PTK2: variants seen among roughly 807,000 people sequenced by gnomAD.
PTK2 encodes focal adhesion kinase 1.
PTK2 carries 45 observed loss-of-function variants against 150.1 expected under a neutral mutation model. That is an observed-to-expected ratio of 0.30 (90% CI 0.24 to 0.38). The LOEUF is 0.38. Ranked by LOEUF, PTK2 falls within the 10% of genes least tolerant of loss-of-function variation. The pLI is 1.00. For synonymous variants in PTK2, 432 were observed against 449.2 expected (o/e 0.96, Z 0.48); for missense variants, 919 against 1,307.3 (o/e 0.70, Z 4.58).
chr8:140,871,253 T>C (rs2100142350), intron 4 of PTK2, among the ~76,000 whole-genome samples: 1 of 152,182 alleles, frequency 6.6e-6, no homozygotes, highest in Admixed American at 6.5e-5. Flanking sequence ...TAAAAAAATC[T>C]GATGTTAAAA....
chr8:140,972,588 A>T (rs757140835), intron 1 of PTK2, among the ~76,000 whole-genome samples: 3 of 152,144 alleles, frequency 2.0e-5, no homozygotes, highest in Non-Finnish European at 2.9e-5. Context: ...TTATATTTTG[A>T]ATTCAGTCGA....
At chr8:140,737,465 A>G (rs2100053248) in intron 21 of PTK2, among the ~76,000 whole-genome samples, 1 of 152,206 alleles carries the variant, frequency 6.6e-6, no homozygotes, top group Non-Finnish European at 1.5e-5. Context: ...ATTTTACCAC[A>G]TTTGACAAAA....
At chr8:140,877,716 T>C (rs968515243) in intron 4 of PTK2, among the ~76,000 whole-genome samples, 3 of 152,164 alleles carry the variant, frequency 2.0e-5, no homozygotes, top group Non-Finnish European at 4.4e-5. Context: ...TTTCATCTAG[T>C]AGGGTCAATC....
At chr8:140,998,108 G>GT (rs919977999) in intron 1 of PTK2, among the ~76,000 whole-genome samples, 8 of 152,152 alleles carry the variant, frequency 5.3e-5, no homozygotes, top group Non-Finnish European at 1.2e-4. Context: ...CTTCTCAGAT[G>GT]TTTTTCACCA....
At chr8:140,746,675 A>G in intron 18 of PTK2, 85 bp downstream of exon 21, 1 of 1,008,492 alleles carries the variant, frequency 9.9e-7, no homozygotes. Context: ...TGAAAATCCA[A>G]GATATAAACT....
chr8:140,664,598 T>C (rs556450239), intron 31 of PTK2, among the ~76,000 whole-genome samples: 1 of 152,378 alleles, frequency 6.6e-6, no homozygotes, highest in Non-Finnish European at 1.5e-5. Flanking sequence ...CAGTTTCCCA[T>C]GTGCCTTCCT....
intron 14 of PTK2, among the ~76,000 whole-genome samples, chr8:140,767,925 C>CAGCTTATT (rs1311969315): frequency 8.5e-5 from 13 of 152,240 alleles, no homozygotes; most frequent in Non-Finnish European, 1.8e-4. Flanking sequence ...CCTGGGCCCT[C>CAGCTTATT]CACATGTTAG....
chr8:140,898,444 T>C (rs1405450940), intron 2 of PTK2, among the ~76,000 whole-genome samples: 4 of 152,182 alleles, frequency 2.6e-5, no homozygotes, highest in Non-Finnish European at 4.4e-5. Context: ...ATGTCAATAA[T>C]TGCTGCTCAG....
chr8:140,954,979 T>A (rs917436804), intron 1 of PTK2: 1 of 152,156 alleles, frequency 6.6e-6, no homozygotes, highest in Admixed American at 6.6e-5. Context: ...AATAACAAAT[T>A]TGGAAAAGGC....
intron 7 of PTK2, among the ~76,000 whole-genome samples, chr8:140,844,828 C>T (rs1180059180): frequency 6.6e-6 from 1 of 152,156 alleles, no homozygotes; most frequent in Non-Finnish European, 1.5e-5. Context: ...CAACATTTAT[C>T]TTTCCTTTTT....
At chr8:140,755,009 T>G (rs1252398696) in intron 16 of PTK2, among the ~76,000 whole-genome samples, 1 of 152,188 alleles carries the variant, frequency 6.6e-6, no homozygotes. Context: ...CATTGTTCAA[T>G]GAAAATACCA....
intron 2 of PTK2, among the ~76,000 whole-genome samples, chr8:140,898,767 T>C (rs2100157323): frequency 6.6e-6 from 1 of 152,168 alleles, no homozygotes; most frequent in Non-Finnish European, 1.5e-5. Context: ...AACTACCTCA[T>C]TATGCTTAAA....
intron 1 of PTK2, among the ~76,000 whole-genome samples, chr8:140,942,066 T>A (rs903216180): frequency 1.3e-5 from 2 of 151,630 alleles, no homozygotes; most frequent in South Asian, 2.1e-4. Flanking sequence ...ATTTTAAAAT[T>A]TTTTGTAGAG....
At chr8:140,704,733 T>A (rs2100032696) in intron 24 of PTK2, among the ~76,000 whole-genome samples, 1 of 152,160 alleles carries the variant, frequency 6.6e-6, no homozygotes, top group Admixed American at 6.5e-5. Context: ...TTAGGCCACC[T>A]ACGTACTTCC....
intron 1 of PTK2, among the ~76,000 whole-genome samples, chr8:140,980,608 C>T (rs533046438): frequency 5.9e-5 from 9 of 151,942 alleles, no homozygotes; most frequent in East Asian, 3.9e-4. Context: ...GGCGACAGAG[C>T]GAGACTTCAT....
chr8:140,701,736 A>C (rs917368823), intron 25 of PTK2, among the ~76,000 whole-genome samples: 2 of 152,198 alleles, frequency 1.3e-5, no homozygotes, highest in Non-Finnish European at 2.9e-5. Context: ...AATGGACTAA[A>C]GATTTTAGTA....
At chr8:140,831,011 T>C (rs138667108) in intron 7 of PTK2, among the ~76,000 whole-genome samples, 6 of 152,282 alleles carry the variant, frequency 3.9e-5, no homozygotes, top group African/African-American at 1.4e-4. Flanking sequence ...TTTTTAAAAA[T>C]AGACTTTTTT....
intron 5 of PTK2, among the ~76,000 whole-genome samples, chr8:140,858,434 A>G (rs1441914321): frequency 5.9e-5 from 9 of 152,064 alleles, no homozygotes; most frequent in African/African-American, 1.7e-4. Context: ...CAGAAAAAAA[A>G]AAAGAAAGAA....
chr8:140,873,653 C>T (rs541601168), intron 4 of PTK2, among the ~76,000 whole-genome samples: 1 of 152,032 alleles, frequency 6.6e-6, no homozygotes, highest in Non-Finnish European at 1.5e-5. Context: ...TTAGTAGAGG[C>T]GGGGGTTTCA....
Sources: allele counts gnomAD v4.1 joint callset (sites outside exome capture counted in the v4.1 genomes callset), GRCh38; gene constraint gnomAD v4.1.1; transcripts MANE v1.5; gene names NCBI Gene and HGNC (gene_info 2026-07-23, HGNC 2026-07-21).